JCAD: variants seen among roughly 807,000 people sequenced by gnomAD.
The protein encoded by JCAD is junctional cadherin 5 associated, also known as junctional cadherin 5-associated protein.
In JCAD, 40 loss-of-function variants were observed where a neutral mutation model predicts 98.0. That is an observed-to-expected ratio of 0.41 (90% CI 0.32 to 0.53). JCAD has a LOEUF of 0.53. JCAD is among the 20% of genes least tolerant of loss of function. The pLI is 0.31. For missense variants in JCAD, 1,705 were observed against 1,738.1 expected (o/e 0.98, Z 0.34); for synonymous variants, 691 against 682.3 (o/e 1.01, Z -0.20).
rs142972033 is a variant in JCAD at position 30,017,882 on chromosome 10, A to G, written c.*1T>C. 2.5e-5 allele frequency: 40 copies of G among 1,612,912 alleles called. No homozygotes were observed. The East Asian group carries it at 8.5e-4, about 34-fold the overall frequency. On this transcript the variant is annotated 3_prime_UTR_variant, in exon 4 of 4. Transcript: ENST00000375377. ...GGAATGCAAGCTCCACCGGCATTTC[A>G]TCACACCCTCTCCACTCTGCTAGGG...
At chr10:30,081,638 G>T (rs751407088) in intron 1 of JCAD, among the ~76,000 whole-genome samples, 10 of 152,086 alleles carry the variant, frequency 6.6e-5, no homozygotes, top group Non-Finnish European at 1.5e-4. Flanking sequence ...CGCCATGTTT[G>T]CCAGGCTGGT....
chr10:30,058,081 G>A (rs1397349639), intron 1 of JCAD, among the ~76,000 whole-genome samples: 1 of 152,102 alleles, frequency 6.6e-6, no homozygotes. Flanking sequence ...TTTTTTGCCA[G>A]AGCATTTCTG....
At chr10:30,090,410 C>T (rs1838239769) in intron 1 of JCAD, among the ~76,000 whole-genome samples, 2 of 152,012 alleles carry the variant, frequency 1.3e-5, no homozygotes, top group Admixed American at 6.5e-5. Context: ...GGCGTGGTGG[C>T]GGGTGCCTGT....
chr10:30,114,826 A>AATAGATAGATAGATAG (rs3074824), intron 1 of JCAD, among the ~76,000 whole-genome samples: 2,463 of 150,776 alleles, frequency 0.016, 72 homozygotes, highest in African/African-American at 0.053. Flanking sequence ...TTTAAAGCCG[A>AATAGATAGATAGATAG]ATAGATAGAT....
chr10:30,020,217 C>T (rs555373030), intron 3 of JCAD, among the ~76,000 whole-genome samples: 1 of 150,442 alleles, frequency 6.6e-6, no homozygotes, highest in Non-Finnish European at 1.5e-5. Context: ...GTTCTAGCTA[C>T]TCGGGAGGCT....
rs765138074 is a variant in JCAD, at chr10:30,017,658, A to G, written c.*225T>C. On this transcript the variant is annotated 3_prime_UTR_variant, in exon 4 of 4. Transcript: ENST00000375377. ...TCCTAATTATAGGCATTAAATCTTC[A>G]TGCTATAAAAACAGATGGTTTCAAC... 226 of 601,470 alleles carry G rather than the reference A, an allele frequency of 3.8e-4. No individual in the cohort carries two copies. The highest frequency in any genetic ancestry group is 6.2e-4 in the Non-Finnish European group (214 of 343,158). 37.3% of individuals were successfully genotyped at this position (601,470 alleles called of 1,614,324 possible).
chr10:30,062,354 C>T (rs1393476831), upstream of JCAD, among the ~76,000 whole-genome samples: 5 of 152,054 alleles, frequency 3.3e-5, no homozygotes, highest in African/African-American at 1.2e-4. Flanking sequence ...ACTGATGTAT[C>T]CCTAGCCCTG....
At chr10:30,060,890 T>C (rs1837688860), upstream of JCAD, among the ~76,000 whole-genome samples, 1 of 152,212 alleles carries the variant, frequency 6.6e-6, no homozygotes, top group Admixed American at 6.5e-5. Flanking sequence ...TTGAATCATA[T>C]GTTCCTCATG....
chr10:30,114,078 A>G (rs1286850238), intron 1 of JCAD, among the ~76,000 whole-genome samples: 2 of 152,122 alleles, frequency 1.3e-5, no homozygotes, highest in East Asian at 3.9e-4. Context: ...TATGTAAAAT[A>G]AGGGCTATTG....
chr10:30,058,048 A>G (rs998590526), intron 1 of JCAD, among the ~76,000 whole-genome samples: 3 of 152,204 alleles, frequency 2.0e-5, no homozygotes, highest in African/African-American at 7.2e-5. Flanking sequence ...CATGACCCTC[A>G]GTTCACACCA....
chr10:30,037,830 G>A (rs1233317993), intron 2 of JCAD, among the ~76,000 whole-genome samples: 2 of 151,336 alleles, frequency 1.3e-5, no homozygotes, highest in East Asian at 1.9e-4. Context: ...CACTGATATC[G>A]ACCTGGATGG....
At position 30,027,462 on chromosome 10, in the gene JCAD, T is replaced by G; in HGVS notation, c.2686A>C (p.Met896Leu). 1 of 1,605,346 alleles carries G rather than the reference T, an allele frequency of 6.2e-7. No homozygotes were observed. The highest frequency in any genetic ancestry group is 8.5e-7 in the Non-Finnish European group (1 of 1,179,982). Residue 896 changes from methionine to leucine, a missense_variant, in exon 3 of 4, where the codon ATG (methionine) becomes CTG (leucine). Met to Leu is a conservative substitution (Grantham distance 15, BLOSUM62 2). Transcript: ENST00000375377. ...CACACAGGGCTCTCCGGCACCCACA[T>G]CCTCGGCTGTGGCTCAACCCTCATT... Reference protein sequence around the residue: ...PEMRVEPQPRMWVPESPVCRS... With the variant: ...PEMRVEPQPRLWVPESPVCRS...
intron 2 of JCAD, among the ~76,000 whole-genome samples, chr10:30,031,807 T>C (rs1464275255): frequency 5.5e-5 from 7 of 126,956 alleles, no homozygotes; most frequent in Non-Finnish European, 9.5e-5. Context: ...CAGGCTGGAG[T>C]GCAGTGGTGG....
intron 1 of JCAD, among the ~76,000 whole-genome samples, chr10:30,089,372 G>C (rs1469571188): frequency 6.6e-6 from 1 of 152,190 alleles, no homozygotes; most frequent in African/African-American, 2.4e-5. Flanking sequence ...CTGTCTTCCA[G>C]CAATTGAATA....
In JCAD at chr10:30,016,004, T is replaced by C. The variant is rs935282916; in HGVS notation, c.*1879A>G. 2 of 152,326 alleles carry C rather than the reference T, an allele frequency of 1.3e-5. No individual in the cohort carries two copies. Among genetic ancestry groups the C allele is most frequent in the South Asian group, 2.1e-4 (1 of 4,826 alleles). 9.4% of individuals were successfully genotyped at this position (152,326 alleles called of 1,614,324 possible). A position where few individuals can be genotyped will look rare whatever the true frequency, so the allele number is the denominator to read the frequency against. ...TTTTGTTTCCCGCACTTATTGCTGC[T>C]GTGAAAACTGGAGTGCACTCTCACT... On this transcript the variant is annotated 3_prime_UTR_variant, in exon 4 of 4. Coordinates refer to ENST00000375377, the MANE Select transcript of JCAD (RefSeq NM_020848.4).
At chr10:30,071,062 G>A (rs1438540814) in intron 1 of JCAD, among the ~76,000 whole-genome samples, 2 of 152,058 alleles carry the variant, frequency 1.3e-5, no homozygotes, top group African/African-American at 2.4e-5. Flanking sequence ...GCGCCACCAC[G>A]TCTGGCTAAT....
intron 1 of JCAD, among the ~76,000 whole-genome samples, chr10:30,056,765 C>T (rs1837577366): frequency 6.6e-6 from 1 of 152,090 alleles, no homozygotes; most frequent in Non-Finnish European, 1.5e-5. Flanking sequence ...ATAGATAATC[C>T]AAATTTTTAA....
In JCAD at chr10:30,052,224, G is replaced by A. The variant is rs370902797; in HGVS notation, c.-59-4353C>T. On this transcript the variant is annotated intron_variant, in intron 1 of 3. Coordinates refer to ENST00000375377, the MANE Select transcript of JCAD (RefSeq NM_020848.4). ...TTGGGATGAGTGTCTGTTTCTCCAT[G>A]GTGCACGGTATTTATCTGTGAGGTG... 2.0e-5 allele frequency among the ~76,000 whole-genome samples: 3 copies of A among 152,160 alleles called. No homozygotes were observed. The South Asian group carries it at 6.2e-4, about 32-fold the overall frequency.
At chr10:30,030,096 T>G (rs1327888886) in intron 2 of JCAD, among the ~76,000 whole-genome samples, 1 of 152,190 alleles carries the variant, frequency 6.6e-6, no homozygotes, top group Non-Finnish European at 1.5e-5. Context: ...CCCACAAGAA[T>G]ACAGGGATGT....
Sources: allele counts gnomAD v4.1 joint callset (sites outside exome capture counted in the v4.1 genomes callset), GRCh38; gene constraint gnomAD v4.1.1; transcripts MANE v1.5; gene names NCBI Gene and HGNC (gene_info 2026-07-23, HGNC 2026-07-21).